Variants in MEGF10 observed in about 807,000 individuals in gnomAD.
MEGF10 encodes the protein multiple EGF like domains 10.
MEGF10 carries 86 observed loss-of-function variants against 147.5 expected under a neutral mutation model. That is an observed-to-expected ratio of 0.58 (90% CI 0.49 to 0.70). The LOEUF (loss-of-function observed/expected upper bound fraction) is 0.70, where lower values mean the gene tolerates loss of function less well. Among genes scored for constraint, MEGF10 ranks in the 30% least tolerant of loss-of-function variants. The pLI, the probability that MEGF10 is intolerant of heterozygous loss-of-function variation, is 0.00. For missense variants in MEGF10, 1,329 were observed against 1,487.3 expected (o/e 0.89, Z 1.75); for synonymous variants, 478 against 525.5 (o/e 0.91, Z 1.24).
At chr5:127,344,869 T>C (rs1761822965) in intron 4 of MEGF10, among the ~76,000 whole-genome samples, 1 of 152,190 alleles carries the variant, frequency 6.6e-6, no homozygotes, top group Non-Finnish European at 1.5e-5. Flanking sequence ...ACCTTACAGG[T>C]ATCGTTAGTG....
chr5:127,352,840 T>C lies in MEGF10; in HGVS notation c.319+12210T>C, dbSNP rs148029494. Among the ~76,000 whole-genome samples, 581 of 152,286 alleles carry C rather than the reference T, an allele frequency of 3.8e-3. 4 individuals are homozygous for C. The highest frequency in any genetic ancestry group is 0.013 in the African/African-American group (558 of 41,572). ...AAGAGAAACAGGTTGATTTGGGGGC[T>C]GATAAAGAAGACAGTTTGAGAGAGA... On this transcript the variant is annotated intron_variant, in intron 4 of 24. Transcript: ENST00000503335.
chr5:127,424,428 A>T, intron 13 of MEGF10: 2 of 1,025,298 alleles, frequency 2.0e-6, no homozygotes, highest in African/African-American at 1.6e-5. Context: ...GTGGAAATTT[A>T]ATGGAGATTG....
At chr5:127,425,130 A>G (rs6897163) in intron 13 of MEGF10, among the ~76,000 whole-genome samples, 18,082 of 152,248 alleles carry the variant, frequency 0.12, 1,954 homozygotes, top group African/African-American at 0.28. Flanking sequence ...ACACTCTAGT[A>G]TACATGAGAA....
intron 3 of MEGF10, 82 bp downstream of exon 3, chr5:127,339,303 T>C (rs1761588505): frequency 2.1e-6 from 2 of 957,012 alleles, no homozygotes; most frequent in Admixed American, 1.9e-5. Context: ...CAGCAGAAAG[T>C]GCATCCATTC....
chr5:127,400,758 C>A (rs1048654924), intron 7 of MEGF10, among the ~76,000 whole-genome samples: 1 of 152,148 alleles, frequency 6.6e-6, no homozygotes, highest in African/African-American at 2.4e-5. Flanking sequence ...AGTCCCAGCA[C>A]GTGGACAGAT....
At chr5:127,372,414 A>G (rs1762880518) in intron 5 of MEGF10, among the ~76,000 whole-genome samples, 2 of 152,224 alleles carry the variant, frequency 1.3e-5, no homozygotes, top group Admixed American at 1.3e-4. Flanking sequence ...TTAAATTACT[A>G]TTAGTTTGTC....
At chr5:127,310,031 T>C (rs1427855604) in intron 1 of MEGF10, among the ~76,000 whole-genome samples, 8,782 of 60,018 alleles carry the variant, frequency 0.15, 2,449 homozygotes, top group Non-Finnish European at 0.18. Flanking sequence ...TCTTTCTTTC[T>C]TTCCTTCTTT....
intron 1 of MEGF10, among the ~76,000 whole-genome samples, chr5:127,312,315 G>T (rs950018915): frequency 5.9e-5 from 9 of 152,200 alleles, no homozygotes; most frequent in African/African-American, 1.9e-4. Context: ...GGTCATAACA[G>T]AGACCAATGC....
the MEGF10 span, among the ~76,000 whole-genome samples, chr5:127,277,666 G>A: frequency 6.6e-6 from 1 of 152,148 alleles, no homozygotes; most frequent in African/African-American, 2.4e-5. Flanking sequence ...TCAGAAACAG[G>A]GAGAACAATA....
At position 127,331,399 on chromosome 5, in the gene MEGF10, C is replaced by T. The variant is rs747297951; in HGVS notation, c.91C>T (p.Pro31Ser). 1 of 1,610,504 alleles carries T rather than the reference C, an allele frequency of 6.2e-7. No individual in the cohort carries two copies. The highest frequency in any genetic ancestry group is 2.2e-5 in the East Asian group (1 of 44,832). The change falls in exon 2 of 25, where the codon CCT becomes TCT. Residue 31 changes from proline to serine, a missense_variant. By Grantham distance (74) the Pro-to-Ser change is moderately conservative (BLOSUM62 -1). Transcript: ENST00000503335. ...AGCATCACCTCTGAATCTTGAAGAC[C>T]CTAATGTGTGTAGCCACTGGGAAAG... Reference protein sequence around the residue: ...GTASPLNLEDPNVCSHWESYS... With the variant: ...GTASPLNLEDSNVCSHWESYS...
Position 127,351,406 on chromosome 5 carries a change from G to A in MEGF10, c.319+10776G>A, listed in dbSNP as rs977222177. On this transcript the variant is annotated intron_variant, in intron 4 of 24. Coordinates refer to ENST00000503335, the MANE Select transcript of MEGF10 (RefSeq NM_001256545.2). ...TATTATATTGTAGACATATTTTCTT[G>A]TCTATCAATTACATCTAAATAATAA... Among the ~76,000 whole-genome samples, 10 of 151,890 alleles carry A rather than the reference G, an allele frequency of 6.6e-5. No individual in the cohort carries two copies. The East Asian group carries it at 1.5e-3, about 23-fold the overall frequency.
intron 2 of MEGF10, among the ~76,000 whole-genome samples, chr5:127,332,107 T>A (rs981719781): frequency 1.3e-5 from 2 of 151,858 alleles, no homozygotes; most frequent in Non-Finnish European, 2.9e-5. Context: ...TGTCTAGATA[T>A]GAGCAATTTG....
the MEGF10 span, among the ~76,000 whole-genome samples, chr5:127,264,876 G>A: frequency 6.6e-6 from 1 of 151,612 alleles, no homozygotes; most frequent in Admixed American, 6.6e-5. Flanking sequence ...AGGTAAACGT[G>A]TGCCATGGTG....
chr5:127,452,037 G>A (rs150713929), intron 22 of MEGF10, among the ~76,000 whole-genome samples: 76 of 152,234 alleles, frequency 5.0e-4, no homozygotes, highest in African/African-American at 1.6e-3. Flanking sequence ...GTACTGGCTC[G>A]TTTTGTGAAT....
intron 5 of MEGF10, among the ~76,000 whole-genome samples, chr5:127,376,522 G>A (rs2126875263): frequency 6.6e-6 from 1 of 152,270 alleles, no homozygotes; most frequent in South Asian, 2.1e-4. Context: ...TAGGTATCAG[G>A]GGTGCTGGTG....
At chr5:127,341,135 C>A (rs996561630) in intron 4 of MEGF10, among the ~76,000 whole-genome samples, 1 of 152,104 alleles carries the variant, frequency 6.6e-6, no homozygotes, top group African/African-American at 2.4e-5. Context: ...TTGTCATTTT[C>A]CCTCTTCTCT....
At chr5:127,283,149 A>G in the MEGF10 span, among the ~76,000 whole-genome samples, 1 of 152,202 alleles carries the variant, frequency 6.6e-6, no homozygotes, top group Admixed American at 6.5e-5. Context: ...ATGCATTCAT[A>G]TTGCAGACAA....
intron 7 of MEGF10, among the ~76,000 whole-genome samples, chr5:127,400,901 ACTT>A (rs544881294): frequency 2.0e-5 from 3 of 152,170 alleles, no homozygotes; most frequent in African/African-American, 7.2e-5. Flanking sequence ...TTCAATTTAT[ACTT>A]CTTCTTTACA....
chr5:127,296,636 G>A (rs992544778), intron 1 of MEGF10, among the ~76,000 whole-genome samples: 8 of 152,204 alleles, frequency 5.3e-5, no homozygotes, highest in Non-Finnish European at 7.3e-5. Flanking sequence ...ATAGCCACAG[G>A]TGGTGGTTCC....
Sources: gnomAD v4.1 joint callset for allele counts (sites outside exome capture counted in the v4.1 genomes callset) on GRCh38, gnomAD v4.1.1 for gene constraint, MANE v1.5 for transcripts, NCBI Gene and HGNC (gene_info 2026-07-23, HGNC 2026-07-21) for gene names.